The following ARHGEF1 variants were observed in gnomAD, a reference collection of about 807,000 sequenced individuals.
The protein encoded by ARHGEF1 is Rho guanine nucleotide exchange factor 1, also known as 115 kDa guanine nucleotide exchange factor.
In ARHGEF1, 40 loss-of-function variants were observed where a neutral mutation model predicts 119.7. The ratio of observed to expected loss-of-function variants is 0.33; its 90% confidence interval spans 0.26 to 0.44. The LOEUF (loss-of-function observed/expected upper bound fraction) is 0.44, where lower values mean the gene tolerates loss of function less well. ARHGEF1 is among the 20% of genes least tolerant of loss of function. ARHGEF1 has a pLI of 1.00. For missense variants in ARHGEF1, 976 were observed against 1,268.3 expected (o/e 0.77, Z 3.50); for synonymous variants, 494 against 521.0 (o/e 0.95, Z 0.71).
chr19:41,892,962 A>G lies in ARHGEF1; in HGVS notation c.614+113A>G, dbSNP rs1436647820. 5.8e-6 allele frequency: 8 copies of G among 1,389,638 alleles called. No homozygotes were observed. In the African/African-American group the frequency reaches 1.0e-4, roughly 18 times the overall value. The allele number at this position is 1,389,638 out of a possible 1,614,324, so 86.1% of individuals were successfully genotyped here. On this transcript the variant is annotated intron_variant, in intron 7 of 28. Coordinates refer to ENST00000354532, the MANE Select transcript of ARHGEF1 (RefSeq NM_004706.4). This position sits in a 1 kb window ranked among gnomAD's most constrained non-coding sequence, Gnocchi z 6.3. ...GGTTCCCTCTTCAGGGTCAGAGTTC[A>G]TTTCTTGGCACTGGGGGTCTTCCTC...
chr19:41,914,572 T>C (rs1163171131), intron 18 of ARHGEF1, among the ~76,000 whole-genome samples: 2 of 26,510 alleles, frequency 7.5e-5, no homozygotes, highest in Non-Finnish European at 1.6e-4. Flanking sequence ...CATCTCTGTC[T>C]CCGTCTCTCC....
In ARHGEF1 at chr19:41,905,345, GTC is replaced by G; in HGVS notation, c.2336+88_2336+89del. On this transcript the variant is annotated intron_variant, in intron 24 of 28. Transcript: ENST00000354532. The surrounding 1 kb of genome is among the most constrained non-coding windows in gnomAD (Gnocchi z 6.4). The stretch of plus-strand genomic sequence containing the variant: ...GGCTTCCCTCCACAACTCCAGAACC[GTC>G]TCTGTGTGAGCATGCACATGTGTGA... The G allele has an allele frequency of 1.6e-6, 2 of 1,227,322 alleles. No individual in the cohort carries two copies. Among genetic ancestry groups the G allele is most frequent in the Non-Finnish European group, 2.3e-6 (2 of 868,674 alleles). 76.0% of individuals were successfully genotyped at this position (1,227,322 alleles called of 1,614,324 possible).
upstream of ARHGEF1, among the ~76,000 whole-genome samples, chr19:41,920,567 C>G (rs1044487510): frequency 1.3e-4 from 20 of 152,136 alleles, no homozygotes; most frequent in African/African-American, 4.6e-4. Flanking sequence ...ATGTTACGCA[C>G]TCACAGACGT....
chr19:41,908,543 A>T, downstream of ARHGEF1: 2 of 1,231,646 alleles, frequency 1.6e-6, no homozygotes, highest in South Asian at 8.2e-5. This position sits in a 1 kb window ranked among gnomAD's most constrained non-coding sequence, Gnocchi z 6.7. Flanking sequence ...TGGGGTAGAA[A>T]TGCGGGGGGT....
chr19:41,910,731 G>A (rs149738953), downstream of ARHGEF1, among the ~76,000 whole-genome samples: 44 of 152,194 alleles, frequency 2.9e-4, no homozygotes, highest in East Asian at 6.8e-3. This position sits in a 1 kb window ranked among gnomAD's most constrained non-coding sequence, Gnocchi z 4.4. Flanking sequence ...GTGTGTGTGC[G>A]TGGACACACA....
rs946345429 is a variant in ARHGEF1, at chr19:41,917,971, G to A, written c.1866-5121G>A. 3.3e-5 allele frequency among the ~76,000 whole-genome samples: 5 copies of A among 151,824 alleles called. No homozygotes were observed. Among genetic ancestry groups the A allele is most frequent in the Admixed American group, 2.0e-4 (3 of 15,264 alleles). On this transcript the variant is annotated intron_variant, in intron 18 of 20. Transcript: ENST00000599589. This position sits in a 1 kb window ranked among gnomAD's most constrained non-coding sequence, Gnocchi z 4.8. ...ACCTGTCCGTCCAGACTATAGCCACGTCCATGTGTACACAGAGCAGGCTCA... is the reference window on the plus strand; with the variant it reads ...ACCTGTCCGTCCAGACTATAGCCACATCCATGTGTACACAGAGCAGGCTCA...
intron 1 of ARHGEF1, chr19:41,928,010 G>A (rs967580749): frequency 5.9e-5 from 9 of 151,986 alleles, no homozygotes; most frequent in Non-Finnish European, 1.2e-4. Context: ...CCCCCTCCCC[G>A]CCCCTGCGCC....
Position 41,905,479 on chromosome 19 carries a change from T to C in ARHGEF1, c.2336+218T>C. ...GTGCGTGTGCATGTGTGTGCGTGTA[T>C]GGTGTGTGTGTATGCATATGTGTGC... On this transcript the variant is annotated intron_variant, in intron 24 of 28. Coordinates refer to ENST00000354532, the MANE Select transcript of ARHGEF1 (RefSeq NM_004706.4). The surrounding 1 kb of genome is among the most constrained non-coding windows in gnomAD (Gnocchi z 6.4). 3.3e-6 allele frequency: 2 copies of C among 613,594 alleles called. No individual in the cohort carries two copies. The highest frequency in any genetic ancestry group is 5.7e-6 in the Non-Finnish European group (2 of 348,870). The allele number at this position is 613,594 out of a possible 1,614,324, so 38.0% of individuals were successfully genotyped here.
chr19:41,919,362 C>G (rs542248273), upstream of ARHGEF1, among the ~76,000 whole-genome samples: 1 of 152,164 alleles, frequency 6.6e-6, no homozygotes, highest in Non-Finnish European at 1.5e-5. Flanking sequence ...AAACATGCAA[C>G]CACACAAACA....
chr19:41,926,876 G>T (rs1302210142), intron 1 of ARHGEF1, among the ~76,000 whole-genome samples: 1 of 152,156 alleles, frequency 6.6e-6, no homozygotes, highest in African/African-American at 2.4e-5. Flanking sequence ...GCGGAAACCA[G>T]CGAGGGGGAG....
At position 41,906,488 on chromosome 19, in the gene ARHGEF1, G is replaced by T. The variant is rs782392087; in HGVS notation, c.2523G>T (p.Ala841=). The stretch of plus-strand genomic sequence containing the variant: ...CCCTGAAGCAGCTTCTGTTTCCGGC[G>T]GAGGAAGACAATGGGGCGGGGCCTC... ...VLSLKQLLFP[A]EEDNGAGPPR... Residue 841 remains alanine, a synonymous_variant, in exon 27 of 29, where the codon GCG becomes GCT. Transcript: ENST00000354532. This position sits in a 1 kb window ranked among gnomAD's most constrained non-coding sequence, Gnocchi z 4.5. 1.3e-6 allele frequency: 2 copies of T among 1,577,368 alleles called. No homozygotes were observed. Among genetic ancestry groups the T allele is most frequent in the Non-Finnish European group, 1.7e-6 (2 of 1,169,270 alleles).
Position 41,892,439 on chromosome 19 carries a change from G to A in ARHGEF1, c.367+66G>A, listed in dbSNP as rs1413941573. 6.2e-7 allele frequency: 1 copy of A among 1,608,458 alleles called. No homozygotes were observed. The highest frequency in any genetic ancestry group is 1.3e-5 in the African/African-American group (1 of 74,808). On this transcript the variant is annotated intron_variant, in intron 6 of 28. Coordinates refer to ENST00000354532, the MANE Select transcript of ARHGEF1 (RefSeq NM_004706.4). This position sits in a 1 kb window ranked among gnomAD's most constrained non-coding sequence, Gnocchi z 6.3. ...GACCACACCTCCCAGGAGGCCAAGGGGAGGGAGGCCGCACTCCCATGCTCT... is the reference window on the plus strand; with the variant it reads ...GACCACACCTCCCAGGAGGCCAAGGAGAGGGAGGCCGCACTCCCATGCTCT...
chr19:41,924,967 G>A (rs2074862918), intron 1 of ARHGEF1, among the ~76,000 whole-genome samples: 1 of 152,150 alleles, frequency 6.6e-6, no homozygotes, highest in Non-Finnish European at 1.5e-5. Flanking sequence ...TGTGCAGTGG[G>A]TTCCCAATGC....
Position 41,907,295 on chromosome 19 carries a change from G to T in ARHGEF1, c.*208G>T. The T allele has an allele frequency of 6.5e-7, 1 of 1,531,922 alleles. No homozygotes were observed. The highest frequency in any genetic ancestry group is 8.7e-7 in the Non-Finnish European group (1 of 1,144,854). The allele number at this position is 1,531,922 out of a possible 1,614,324, so 94.9% of individuals were successfully genotyped here. ...TCTCTCCCTCCTGCCCTCTGCTTGG[G>T]GGACTCAGGGCTCCATTCTGGAGGG... On this transcript the variant is annotated 3_prime_UTR_variant, in exon 29 of 29. Transcript: ENST00000354532.
At position 41,907,372 on chromosome 19, in the gene ARHGEF1, A is replaced by T; in HGVS notation, c.*285A>T. On this transcript the variant is annotated 3_prime_UTR_variant, in exon 29 of 29. Transcript: ENST00000354532. ...TATTGCCTGTGGGGGCCACCCCTCCACCCCCACCCCCAAGTGCCTTCGCTC... is the reference window on the plus strand; with the variant it reads ...TATTGCCTGTGGGGGCCACCCCTCCTCCCCCACCCCCAAGTGCCTTCGCTC... 6.5e-7 allele frequency: 1 copy of T among 1,532,086 alleles called. No individual in the cohort carries two copies. Among genetic ancestry groups the T allele is most frequent in the Non-Finnish European group, 8.7e-7 (1 of 1,144,412 alleles). 94.9% of individuals were successfully genotyped at this position (1,532,086 alleles called of 1,614,324 possible). A position where few individuals can be genotyped will look rare whatever the true frequency, so the allele number is the denominator to read the frequency against.
chr19:41,892,909 A>C lies in ARHGEF1; in HGVS notation c.614+60A>C. On this transcript the variant is annotated intron_variant, in intron 7 of 28. Coordinates refer to ENST00000354532, the MANE Select transcript of ARHGEF1 (RefSeq NM_004706.4). The surrounding 1 kb of genome is among the most constrained non-coding windows in gnomAD (Gnocchi z 6.3). ...TCCCCAGCACAAGGGCACCCGTGCTACCTCTGGCATGTTCCATCCCGTTTG... is the reference window on the plus strand; with the variant it reads ...TCCCCAGCACAAGGGCACCCGTGCTCCCTCTGGCATGTTCCATCCCGTTTG... 1 of 1,440,850 alleles carries C rather than the reference A, an allele frequency of 6.9e-7. No homozygotes were observed. The allele number at this position is 1,440,850 out of a possible 1,614,324, so 89.3% of individuals were successfully genotyped here.
rs1389774488 is a variant in ARHGEF1 at position 41,906,508 on chromosome 19, G to A, written c.2543G>A (p.Gly848Glu). 9 of 1,583,508 alleles carry A rather than the reference G, an allele frequency of 5.7e-6. No individual in the cohort carries two copies. The highest frequency in any genetic ancestry group is 7.7e-6 in the Non-Finnish European group (9 of 1,172,132). ...CCGGCGGAGGAAGACAATGGGGCGG[G>A]GCCTCCTCGAGATGGGGATGGGGTC... Reference protein sequence around the residue: ...LFPAEEDNGAGPPRDGDGVPG... With the variant: ...LFPAEEDNGAEPPRDGDGVPG... The change falls in exon 27 of 29, where the codon GGG (glycine) becomes GAG (glutamate). Residue 848 changes from glycine to glutamate, a missense_variant. Coordinates refer to ENST00000354532, the MANE Select transcript of ARHGEF1 (RefSeq NM_004706.4). The surrounding 1 kb of genome is among the most constrained non-coding windows in gnomAD (Gnocchi z 4.5).
In ARHGEF1 at chr19:41,888,273, G is replaced by A; in HGVS notation, c.106G>A (p.Glu36Lys). Residue 36 changes from glutamate to lysine, a missense_variant, in exon 3 of 29, where the codon GAG becomes AAG. Around this residue, in one of 3 missense-constraint regions of ARHGEF1, gnomAD observed 519 missense variants for 580.9 expected, o/e 0.89. Transcript: ENST00000354532. The surrounding 1 kb of genome is among the most constrained non-coding windows in gnomAD (Gnocchi z 5.1). Reference sequence around the variant, plus strand: ...GGATGAGGATTTTGAGAACGAGCTGGAGACAGTGAGTGGGAGATAGGGTGG... The same window carrying A: ...GGATGAGGATTTTGAGAACGAGCTGAAGACAGTGAGTGGGAGATAGGGTGG... Reference protein sequence around the residue: ...AEDEDFENELETNSEEQNSQF... With the variant: ...AEDEDFENELKTNSEEQNSQF... The A allele has an allele frequency of 6.2e-7, 1 of 1,613,850 alleles. No individual in the cohort carries two copies. The highest frequency in any genetic ancestry group is 8.5e-7 in the Non-Finnish European group (1 of 1,179,992).
At chr19:41,891,355 T>C (rs1327874716) in intron 4 of ARHGEF1, among the ~76,000 whole-genome samples, 1 of 152,200 alleles carries the variant, frequency 6.6e-6, no homozygotes, top group Non-Finnish European at 1.5e-5. Flanking sequence ...CAATCTCCAC[T>C]CACTGCAACC....
Sources: gnomAD v4.1 joint callset for allele counts (sites outside exome capture counted in the v4.1 genomes callset) on GRCh38, gnomAD v4.1.1 for gene constraint, gnomAD v4.1.1 regional missense constraint, Gnocchi (gnomAD v3.1) non-coding constraint, MANE v1.5 for transcripts, NCBI Gene and HGNC (gene_info 2026-07-23, HGNC 2026-07-21) for gene names.